Variants in LRBA observed in about 807,000 individuals in gnomAD.
LRBA encodes LPS responsive beige-like anchor protein, also known as lipopolysaccharide-responsive and beige-like anchor protein.
A neutral mutation model predicts 330.0 loss-of-function variants in LRBA; 176 were observed. The observed-to-expected ratio is 0.53, with a 90% confidence interval of 0.47 to 0.60. The LOEUF (loss-of-function observed/expected upper bound fraction) is 0.60, where lower values mean the gene tolerates loss of function less well. Ranked by LOEUF, LRBA falls within the 20% of genes least tolerant of loss-of-function variation. The probability of loss-of-function intolerance (pLI) is 0.00; values close to 1 mark genes in which losing one functional copy is unlikely to be tolerated. For synonymous variants in LRBA, 1,230 were observed against 1,193.0 expected, an observed-to-expected ratio of 1.03 and a Z score of -0.64; for missense variants, 3,259 against 3,444.8, an observed-to-expected ratio of 0.95 and a Z score of 1.35.
chr4:150,457,071 C>A (rs564466071), intron 44 of LRBA, among the ~76,000 whole-genome samples: 1 of 152,042 alleles, frequency 6.6e-6, no homozygotes, highest in African/African-American at 2.4e-5. Context: ...TACTGATTTT[C>A]TTTTCCTCTA....
chr4:150,657,698 CT>C (rs1780348779), intron 37 of LRBA, among the ~76,000 whole-genome samples: 1 of 151,906 alleles, frequency 6.6e-6, no homozygotes, highest in South Asian at 2.1e-4. Flanking sequence ...GAACAAAGTA[CT>C]TTAATGTTTC....
intron 37 of LRBA, among the ~76,000 whole-genome samples, chr4:150,678,074 T>C (rs1055252392): frequency 6.6e-6 from 1 of 151,736 alleles, no homozygotes; most frequent in African/African-American, 2.4e-5. Context: ...GCCCCATCTC[T>C]ACTAAAAATA....
Position 150,961,047 on chromosome 4 carries a change from G to A in LRBA, c.217-31982C>T, listed in dbSNP as rs528014347. ...TGAGTTATGTATAGCCACTTTGGCC[G>A]CCCACTGCATCCTGATGGTGATGGG... is the stretch of plus-strand genomic sequence containing the variant. On this transcript the variant is annotated intron_variant, in intron 2 of 56. Coordinates refer to ENST00000651943, the MANE Select transcript of LRBA (RefSeq NM_001364905.1). 4.6e-4 allele frequency among the ~76,000 whole-genome samples: 69 copies of A among 149,028 alleles called. 3 individuals are homozygous for A. The highest frequency in any genetic ancestry group is 8.5e-4 in the Non-Finnish European group (58 of 68,006).
chr4:150,669,863 G>A (rs1007304888), intron 37 of LRBA, among the ~76,000 whole-genome samples: 3 of 152,136 alleles, frequency 2.0e-5, no homozygotes, highest in Admixed American at 6.5e-5. Flanking sequence ...ACTGTGTCCG[G>A]CCAATATTTT....
At chr4:150,345,382 C>T (rs999547719) in intron 48 of LRBA, among the ~76,000 whole-genome samples, 20 of 152,272 alleles carry the variant, frequency 1.3e-4, no homozygotes, top group Middle Eastern at 6.8e-3. Context: ...ACTCAGCATG[C>T]ATCCACTAGG....
intron 55 of LRBA, among the ~76,000 whole-genome samples, chr4:150,278,851 G>A (rs760036309): frequency 6.6e-6 from 1 of 151,576 alleles, no homozygotes; most frequent in Non-Finnish European, 1.5e-5. Flanking sequence ...TCGAGACAGG[G>A]TCTTGCTCTG....
chr4:150,656,973 C>A (rs1561478725), intron 37 of LRBA, among the ~76,000 whole-genome samples: 1 of 152,020 alleles, frequency 6.6e-6, no homozygotes, highest in East Asian at 1.9e-4. Context: ...CATATATAAG[C>A]CAAATGAATG....
At chr4:150,296,301 CAA>C (rs2126821296) in intron 53 of LRBA, among the ~76,000 whole-genome samples, 1 of 152,196 alleles carries the variant, frequency 6.6e-6, no homozygotes, top group South Asian at 2.1e-4. Context: ...CTCAGTTGTG[CAA>C]AGTTACAAGC....
intron 45 of LRBA, 95 bp downstream of exon 45, chr4:150,436,629 T>C: frequency 1.0e-6 from 1 of 965,962 alleles, no homozygotes; most frequent in Non-Finnish European, 1.5e-6. Context: ...ACTCTTTTAG[T>C]ATTCAAAAAA....
chr4:150,517,335 A>G (rs1762456440), intron 40 of LRBA, among the ~76,000 whole-genome samples: 1 of 152,098 alleles, frequency 6.6e-6, no homozygotes, highest in Admixed American at 6.6e-5. Context: ...CAGCCTAGGC[A>G]ACACAGGGAC....
chr4:150,988,297 C>T (rs1158114957), intron 2 of LRBA, among the ~76,000 whole-genome samples: 1 of 152,104 alleles, frequency 6.6e-6, no homozygotes, highest in African/African-American at 2.4e-5. Flanking sequence ...TTCAACACAC[C>T]ATGGATATTA....
chr4:150,417,180 C>T (rs1747891034), intron 46 of LRBA, among the ~76,000 whole-genome samples: 1 of 151,960 alleles, frequency 6.6e-6, no homozygotes, highest in Non-Finnish European at 1.5e-5. Context: ...GATGAGAAAA[C>T]AACTGGCTAT....
chr4:150,271,929 G>A (rs188607079), intron 56 of LRBA, among the ~76,000 whole-genome samples: 188 of 152,304 alleles, frequency 1.2e-3, no homozygotes, highest in African/African-American at 4.4e-3. Context: ...AGCTGTGGGT[G>A]CAGCTTCAGC....
At position 150,298,248 on chromosome 4, in the gene LRBA, G is replaced by A. The variant is rs1425091813; in HGVS notation, c.8017+4377C>T. 2.0e-5 allele frequency among the ~76,000 whole-genome samples: 3 copies of A among 152,166 alleles called. No individual in the cohort carries two copies. In the East Asian group the frequency reaches 5.8e-4, roughly 29 times the overall value. On this transcript the variant is annotated intron_variant, in intron 53 of 56. Coordinates refer to ENST00000651943, the MANE Select transcript of LRBA (RefSeq NM_001364905.1). Reference sequence around the variant, plus strand: ...GCATACACATAAGCACATGTGCACAGAGGCAGCCAGTAAATAATTCACACC... The same window carrying A: ...GCATACACATAAGCACATGTGCACAAAGGCAGCCAGTAAATAATTCACACC...
chr4:151,002,204 A>AAG (rs2149653427), intron 2 of LRBA, among the ~76,000 whole-genome samples: 1 of 148,856 alleles, frequency 6.7e-6, no homozygotes, highest in South Asian at 2.1e-4. Context: ...AGCAAAAAAA[A>AAG]AAAAAAAAAA....
intron 36 of LRBA, among the ~76,000 whole-genome samples, chr4:150,699,192 G>A (rs1269628742): frequency 2.0e-5 from 3 of 151,954 alleles, no homozygotes; most frequent in African/African-American, 4.8e-5. Flanking sequence ...CACTGTTGGA[G>A]AGCTAAACTG....
chr4:150,624,338 G>C (rs1442274026), intron 37 of LRBA, among the ~76,000 whole-genome samples: 2 of 149,044 alleles, frequency 1.3e-5, no homozygotes, highest in Non-Finnish European at 3.0e-5. Context: ...TGAAACCCAG[G>C]CTGGGCAATG....
chr4:150,491,585 G>C lies in LRBA; in HGVS notation c.6331-550C>G, dbSNP rs79476483. Among the ~76,000 whole-genome samples the C allele has an allele frequency of 2.9e-3, 434 of 152,134 alleles. 2 individuals are homozygous for C. The highest frequency in any genetic ancestry group is 4.9e-3 in the Non-Finnish European group (330 of 67,938). ...GAAAGCACAAACACTGACTATATAA[G>C]AGGTTAAGTATCATTTTGTCAGCTA... On this transcript the variant is annotated intron_variant, in intron 40 of 56. Transcript: ENST00000651943.
chr4:150,269,245 A>AAACTT (rs1243216012), intron 56 of LRBA, among the ~76,000 whole-genome samples: 3 of 152,334 alleles, frequency 2.0e-5, no homozygotes, highest in Non-Finnish European at 1.5e-5. Flanking sequence ...TCTGATTTGA[A>AAACTT]AACTTACTTA....
Sources: allele counts gnomAD v4.1 joint callset (sites outside exome capture counted in the v4.1 genomes callset), GRCh38; gene constraint gnomAD v4.1.1; transcripts MANE v1.5; gene names NCBI Gene and HGNC (gene_info 2026-07-23, HGNC 2026-07-21).